The following QSOX1 variants were observed in gnomAD, a reference collection of about 807,000 sequenced individuals.
QSOX1 encodes sulfhydryl oxidase 1.
In QSOX1, 40 loss-of-function variants were observed where a neutral mutation model predicts 76.1. The ratio of observed to expected loss-of-function variants is 0.53; its 90% CI spans 0.41 to 0.68. QSOX1 has a LOEUF of 0.68. Ranked by LOEUF, QSOX1 falls within the 30% of genes least tolerant of loss-of-function variation. The pLI is 0.00. For missense variants in QSOX1, 931 were observed against 974.3 expected, an observed-to-expected ratio of 0.96 and a Z score of 0.59; for synonymous variants, 392 against 413.1, an observed-to-expected ratio of 0.95 and a Z score of 0.62.
intron 1 of QSOX1, among the ~76,000 whole-genome samples, chr1:180,156,747 G>A (rs1662384050): frequency 6.6e-6 from 1 of 152,174 alleles, no homozygotes; most frequent in South Asian, 2.1e-4. Flanking sequence ...CAGGGGAGGA[G>A]TGATGTCAAC....
At position 180,190,423 on chromosome 1, in the gene QSOX1, T is replaced by A; in HGVS notation, c.1141-10T>A. 2 of 1,611,248 alleles carry A rather than the reference T, an allele frequency of 1.2e-6. No homozygotes were observed. Among genetic ancestry groups the A allele is most frequent in the Non-Finnish European group, 1.7e-6 (2 of 1,177,362 alleles). On this transcript the variant is annotated splice_polypyrimidine_tract_variant and intron_variant, in intron 9 of 11. Coordinates refer to ENST00000367602, the MANE Select transcript of QSOX1 (RefSeq NM_002826.5). Reference sequence around the variant, plus strand: ...CTCCATATGTGCACTCACACTCATGTGTCCCTCAGGGTGCCGTTCTTGCCA... The same window carrying A: ...CTCCATATGTGCACTCACACTCATGAGTCCCTCAGGGTGCCGTTCTTGCCA...
In QSOX1 at chr1:180,155,093, C is replaced by T. The variant is rs1032019047; in HGVS notation, c.186C>T (p.Ala62=). Residue 62 remains alanine (A), a synonymous_variant, in exon 1 of 12, where the codon GCC becomes GCT. Transcript: ENST00000367602. ...TGCTGGGCTCCCGCAGCGCCTGGGCCGTGGAGTTCTTCGCCTCCTGGTGCG... is the reference window on the plus strand; with the variant it reads ...TGCTGGGCTCCCGCAGCGCCTGGGCTGTGGAGTTCTTCGCCTCCTGGTGCG... ...GAVLGSRSAW[A]VEFFASWCGH... The T allele has an allele frequency of 6.6e-7, 1 of 1,523,784 alleles. No homozygotes were observed. The highest frequency in any genetic ancestry group is 1.4e-5 in the African/African-American group (1 of 70,502). 94.4% of individuals were successfully genotyped at this position (1,523,784 alleles called of 1,614,324 possible).
At position 180,188,150 on chromosome 1, in the gene QSOX1, C is replaced by T. The variant is rs373936324; in HGVS notation, c.1018-1402C>T. ...GGCTGGGCAGGGAGCCACACCCACT[C>T]GCATCCAGCCCATGCCCATTACCAC... On this transcript the variant is annotated intron_variant, in intron 8 of 11. Transcript: ENST00000367602. 1.3e-3 allele frequency among the ~76,000 whole-genome samples: 194 copies of T among 152,336 alleles called. 2 individuals carry two copies. The highest frequency in any genetic ancestry group is 1.7e-3 in the South Asian group (8 of 4,834).
rs12075379 is a variant in QSOX1, at chr1:180,176,564, G to A, written c.515+531G>A. On this transcript the variant is annotated intron_variant, in intron 4 of 11. Coordinates refer to ENST00000367602, the MANE Select transcript of QSOX1 (RefSeq NM_002826.5). The stretch of plus-strand genomic sequence containing the variant: ...TGGCAGAGCATCAGGTGCAGTGGCC[G>A]GTGCTCTGTATCTGTCAGCCAGGCA... Among the ~76,000 whole-genome samples the A allele has an allele frequency of 1.6e-3, 250 of 152,326 alleles. 2 individuals are homozygous for A. Among genetic ancestry groups the A allele is most frequent in the African/African-American group, 5.5e-3 (230 of 41,568 alleles).
In QSOX1 at chr1:180,196,606, C is replaced by T. The variant is rs943829796; in HGVS notation, c.1813C>T (p.Arg605Ter). ...HVPAEGPEAS[R>*]PPKLHPGLRA... ...GCCGGCTGAGGGACCTGAGGCAAGT[C>T]GACCCCCGAAGCTGCACCCTGGCCT... Residue 605 changes from arginine (R) to a stop codon, truncating the protein, a stop_gained, in exon 12 of 12, where the codon CGA (arginine) becomes TGA (stop). Coordinates refer to ENST00000367602, the MANE Select transcript of QSOX1 (RefSeq NM_002826.5). LOFTEE classifies it high-confidence loss of function. The surrounding 1 kb of genome is among the most constrained non-coding windows in gnomAD (Gnocchi z 4.1). 3.1e-6 allele frequency: 5 copies of T among 1,614,078 alleles called. No individual in the cohort carries two copies. The highest frequency in any genetic ancestry group is 3.3e-5 in the Admixed American group (2 of 60,012).
In QSOX1 at chr1:180,200,265, T is replaced by C. The variant is rs1300676088; in HGVS notation, c.*3228T>C. 6.6e-6 allele frequency: 1 copy of C among 152,234 alleles called. No individual in the cohort carries two copies. Among genetic ancestry groups the C allele is most frequent in the African/African-American group, 2.4e-5 (1 of 41,444 alleles). 9.4% of individuals were successfully genotyped at this position (152,234 alleles called of 1,614,324 possible). On this transcript the variant is annotated 3_prime_UTR_variant, in exon 12 of 12. Transcript: ENST00000367602. ...TTGTTGTACCATGCTGGGCAAACAC[T>C]AAGTGCTTAATAATGGTAGCCCACT... is the stretch of plus-strand genomic sequence containing the variant.
At chr1:180,182,056 A>C in intron 5 of QSOX1, 118 bp from the exon 6 acceptor site, 1 of 987,912 alleles carries the variant, frequency 1.0e-6, no homozygotes, top group Non-Finnish European at 1.5e-6. Flanking sequence ...TTGTGGGTTT[A>C]GAGTCTGGAA....
intron 2 of QSOX1, among the ~76,000 whole-genome samples, chr1:180,170,624 G>A (rs915177220): frequency 6.6e-6 from 1 of 152,208 alleles, no homozygotes; most frequent in African/African-American, 2.4e-5. Context: ...GGTGCTGACT[G>A]CTCCTGGAGA....
chr1:180,160,270 A>G (rs763026858), intron 1 of QSOX1, among the ~76,000 whole-genome samples: 2 of 151,956 alleles, frequency 1.3e-5, no homozygotes, highest in Non-Finnish European at 2.9e-5. Context: ...TTTTTTTGCA[A>G]CTGAGTCTCA....
At chr1:180,172,765 C>T (rs1310455370) in intron 2 of QSOX1, among the ~76,000 whole-genome samples, 1 of 152,168 alleles carries the variant, frequency 6.6e-6, no homozygotes, top group Non-Finnish European at 1.5e-5. Flanking sequence ...GTGATCCGCC[C>T]ACCTCGGCCT....
chr1:180,171,340 G>A (rs141090733), intron 2 of QSOX1, among the ~76,000 whole-genome samples: 2 of 151,500 alleles, frequency 1.3e-5, no homozygotes, highest in African/African-American at 2.4e-5. Flanking sequence ...GGTTTTTGAA[G>A]AGGGGGATGG....
rs780830570 is a variant in QSOX1, at chr1:180,202,309, C to G, written c.*5272C>G. ...TACTGAGAGAGCAAAAGCTCTTTTC[C>G]TGGGGCTGCATGTTCTTCCATAGGA... On this transcript the variant is annotated 3_prime_UTR_variant, in exon 12 of 12. Coordinates refer to ENST00000367602, the MANE Select transcript of QSOX1 (RefSeq NM_002826.5). 6.6e-6 allele frequency: 1 copy of G among 152,246 alleles called. No individual in the cohort carries two copies. The highest frequency in any genetic ancestry group is 1.5e-5 in the Non-Finnish European group (1 of 68,102). 9.4% of individuals were successfully genotyped at this position (152,246 alleles called of 1,614,324 possible). A position where few individuals can be genotyped will look rare whatever the true frequency, so the allele number is the denominator to read the frequency against.
chr1:180,176,410 G>T (rs12075337), intron 4 of QSOX1, among the ~76,000 whole-genome samples: 1 of 152,174 alleles, frequency 6.6e-6, no homozygotes, highest in African/African-American at 2.4e-5. Flanking sequence ...CTCTATCCCC[G>T]GGAAGGCCAC....
rs939274361 is a variant in QSOX1 at position 180,201,196 on chromosome 1, A to C, written c.*4159A>C. On this transcript the variant is annotated 3_prime_UTR_variant, in exon 12 of 12. Coordinates refer to ENST00000367602, the MANE Select transcript of QSOX1 (RefSeq NM_002826.5). ...TCCATGTATTGCCAGCTACATGTAG[A>C]GTGGAGAGGAGAGGTTTTTCCTGCA... 1.3e-5 allele frequency: 2 copies of C among 152,132 alleles called. No individual in the cohort carries two copies. The highest frequency in any genetic ancestry group is 4.8e-5 in the African/African-American group (2 of 41,410). The allele number at this position is 152,132 out of a possible 1,614,324, so 9.4% of individuals were successfully genotyped here. A position where few individuals can be genotyped will look rare whatever the true frequency, so the allele number is the denominator to read the frequency against.
intron 1 of QSOX1, among the ~76,000 whole-genome samples, chr1:180,162,518 T>C (rs1015857944): frequency 6.6e-6 from 1 of 152,194 alleles, no homozygotes; most frequent in Non-Finnish European, 1.5e-5. Context: ...GGAGGATACC[T>C]TGAGCCTAGG....
chr1:180,178,787 C>T lies in QSOX1; in HGVS notation c.516-7C>T, dbSNP rs374697697. ...TGCAGAGTGACTGCCAGAATTGTCT[C>T]TTGCAGGCTGGAGGAGATTGATGGA... is the stretch of plus-strand genomic sequence containing the variant. On this transcript the variant is annotated splice_polypyrimidine_tract_variant and splice_region_variant and intron_variant, in intron 4 of 11. Transcript: ENST00000367602. 47 of 1,613,040 alleles carry T rather than the reference C, an allele frequency of 2.9e-5. No individual in the cohort carries two copies. The African/African-American group carries it at 4.4e-4, about 15-fold the overall frequency.
intron 6 of QSOX1, 58 bp from the exon 7 acceptor site, chr1:180,183,858 G>T: frequency 1.3e-6 from 2 of 1,529,696 alleles, no homozygotes; most frequent in Non-Finnish European, 8.9e-7. Flanking sequence ...ACATTGGTTA[G>T]CTCTAATCTT....
In QSOX1 at chr1:180,194,364, C is replaced by T. The variant is rs778527806; in HGVS notation, c.1440C>T (p.Ser480=). The change falls in exon 11 of 12, where the codon AGC becomes AGT. Residue 480 remains serine, a synonymous_variant. Coordinates refer to ENST00000367602, the MANE Select transcript of QSOX1 (RefSeq NM_002826.5). ...CCGCTGTCCTCTGGCTCTGGTCTAG[C>T]CACAACAGGGTCAATGCTCGCCTTG... ...PNAAVLWLWS[S]HNRVNARLAG... 3.4e-5 allele frequency: 53 copies of T among 1,578,266 alleles called. No individual in the cohort carries two copies. The highest frequency in any genetic ancestry group is 9.5e-6 in the Non-Finnish European group (11 of 1,157,796).
At chr1:180,192,112 A>G (rs969479058) in intron 10 of QSOX1, among the ~76,000 whole-genome samples, 3 of 152,088 alleles carry the variant, frequency 2.0e-5, no homozygotes, top group Non-Finnish European at 4.4e-5. Context: ...CCACATTCTG[A>G]GAGGCTGGGG....
Sources: allele counts gnomAD v4.1 joint callset (sites outside exome capture counted in the v4.1 genomes callset), GRCh38; gene constraint gnomAD v4.1.1; non-coding constraint Gnocchi (gnomAD v3.1); transcripts MANE v1.5; gene names NCBI Gene and HGNC (gene_info 2026-07-23, HGNC 2026-07-21).